The following C12orf42 variants were observed in gnomAD, a reference collection of about 807,000 sequenced individuals.
The protein encoded by C12orf42 is uncharacterized protein C12orf42.
A neutral mutation model predicts 21.6 loss-of-function variants in C12orf42; 25 were observed. The ratio of observed to expected loss-of-function variants is 1.16; its 90% confidence interval spans 0.84 to 1.62. The LOEUF is 1.62. Among genes scored for constraint, C12orf42 ranks in the 40% most tolerant of loss-of-function variants. The pLI is 0.00. For synonymous variants in C12orf42, 174 were observed against 175.0 expected (o/e 0.99, Z 0.05); for missense variants, 483 against 459.3 (o/e 1.05, Z -0.47).
At chr12:103,147,741 G>T in the C12orf42 span, among the ~76,000 whole-genome samples, 2 of 150,540 alleles carry the variant, frequency 1.3e-5, no homozygotes, top group East Asian at 3.9e-4. Flanking sequence ...ATATGTCACC[G>T]TGTACAGGTC....
intron 10 of C12orf42, among the ~76,000 whole-genome samples, chr12:103,250,865 CTTT>C (rs1225187249): frequency 6.7e-6 from 1 of 149,504 alleles, no homozygotes; most frequent in African/African-American, 2.5e-5. Context: ...CCTTGAGATT[CTTT>C]TATCACTGTG....
intron 5 of C12orf42, among the ~76,000 whole-genome samples, chr12:103,303,998 T>C (rs553796526): frequency 6.6e-6 from 1 of 152,326 alleles, no homozygotes; most frequent in South Asian, 2.1e-4. Context: ...CTAGACAGGA[T>C]ATGCTTTCCT....
At chr12:103,214,834 T>C in the C12orf42 span, among the ~76,000 whole-genome samples, 1 of 152,164 alleles carries the variant, frequency 6.6e-6, no homozygotes, top group Non-Finnish European at 1.5e-5. Flanking sequence ...GGAGTTTTTG[T>C]TGATGCCGTG....
intron 4 of C12orf42, among the ~76,000 whole-genome samples, chr12:103,334,789 G>A (rs1322990701): frequency 3.9e-5 from 6 of 152,162 alleles, no homozygotes; most frequent in East Asian, 1.9e-4. Context: ...TTGTTGCTGC[G>A]CCAACCACCA....
At chr12:103,069,493 A>G in the C12orf42 span, among the ~76,000 whole-genome samples, 6 of 152,194 alleles carry the variant, frequency 3.9e-5, no homozygotes, top group African/African-American at 1.4e-4. Context: ...ATCATCTAAT[A>G]CAAACTCTAG....
At chr12:103,138,106 G>C in the C12orf42 span, among the ~76,000 whole-genome samples, 5 of 152,182 alleles carry the variant, frequency 3.3e-5, no homozygotes, top group Non-Finnish European at 7.3e-5. Context: ...TATGCAGTCA[G>C]TACATTTAAC....
the C12orf42 span, among the ~76,000 whole-genome samples, chr12:103,219,142 G>A: frequency 6.6e-6 from 1 of 152,226 alleles, no homozygotes; most frequent in African/African-American, 2.4e-5. Flanking sequence ...TCCCATGGAG[G>A]TCTTGACTCT....
At chr12:103,173,784 G>T in the C12orf42 span, among the ~76,000 whole-genome samples, 2 of 151,794 alleles carry the variant, frequency 1.3e-5, no homozygotes, top group South Asian at 2.1e-4. Context: ...CTCTACTTTT[G>T]TCTCCCACTC....
chr12:103,093,687 C>T, the C12orf42 span, among the ~76,000 whole-genome samples: 1 of 152,154 alleles, frequency 6.6e-6, no homozygotes, highest in Non-Finnish European at 1.5e-5. Context: ...TTAACCAAGC[C>T]CATGAACCGC....
rs1555245954 is a variant in C12orf42, at chr12:103,294,463, A to AAAGAAAGAAAG, written n.338-17254_338-17253insCTTTCTTTCTT. On this transcript the variant is annotated intron_variant and non_coding_transcript_variant, in intron 4 of 6. Coordinates refer to the C12orf42 transcript ENST00000546526. ...GAAAGAAAGAAAGAAAGAAAGAAAGAAAGAAAGAAATAAGCAAGCAAGCAA... is the reference window on the plus strand; with the variant it reads ...GAAAGAAAGAAAGAAAGAAAGAAAGAAAGAAAGAAAGAAGAAAGAAATAAGCAAGCAAGCAA... 6.2e-3 allele frequency among the ~76,000 whole-genome samples: 837 copies of AAAGAAAGAAAG among 134,212 alleles called. 17 individuals are homozygous for AAAGAAAGAAAG. The highest frequency in any genetic ancestry group is 0.024 in the African/African-American group (787 of 32,158). 88.0% of individuals were successfully genotyped at this position (134,212 alleles called of 152,430 possible). A position where few individuals can be genotyped will look rare whatever the true frequency, so the allele number is the denominator to read the frequency against.
chr12:103,481,803 T>TG (rs1954492223), intron 1 of C12orf42, among the ~76,000 whole-genome samples: 1 of 151,256 alleles, frequency 6.6e-6, no homozygotes, highest in Admixed American at 6.6e-5. Context: ...GTTTTTTGTT[T>TG]GGGTTTTTTT....
At chr12:103,510,479 T>C in the C12orf42 span, among the ~76,000 whole-genome samples, 1 of 151,906 alleles carries the variant, frequency 6.6e-6, no homozygotes, top group Non-Finnish European at 1.5e-5. Context: ...TGTAACCAAA[T>C]ACAACCTGTT....
the C12orf42 span, among the ~76,000 whole-genome samples, chr12:103,144,835 G>T: frequency 6.6e-6 from 1 of 152,126 alleles, no homozygotes; most frequent in African/African-American, 2.4e-5. Flanking sequence ...TACTGCTTGG[G>T]ATGACTAGGC....
chr12:103,421,935 G>T (rs920016336), intron 2 of C12orf42, among the ~76,000 whole-genome samples: 4 of 151,982 alleles, frequency 2.6e-5, no homozygotes, highest in Non-Finnish European at 4.4e-5. Context: ...ATAATAATAA[G>T]AATAAGATGG....
intron 5 of C12orf42, among the ~76,000 whole-genome samples, chr12:103,272,140 T>C (rs2035510006): frequency 6.6e-6 from 1 of 152,140 alleles, no homozygotes; most frequent in Non-Finnish European, 1.5e-5. Context: ...GTGACTAAAT[T>C]ACTTGAAGCA....
downstream of C12orf42, among the ~76,000 whole-genome samples, chr12:103,298,146 G>C (rs1360327503): frequency 6.6e-6 from 1 of 151,826 alleles, no homozygotes; most frequent in African/African-American, 2.4e-5. Context: ...ATTCAATTAG[G>C]AAAAGAGGAA....
At chr12:103,530,556 T>C in the C12orf42 span, among the ~76,000 whole-genome samples, 3 of 152,118 alleles carry the variant, frequency 2.0e-5, no homozygotes, top group Non-Finnish European at 4.4e-5. Flanking sequence ...GTTCAGACGG[T>C]TGGCACAGGG....
chr12:103,376,576 A>T (rs1179764062), intron 3 of C12orf42, among the ~76,000 whole-genome samples: 1 of 152,110 alleles, frequency 6.6e-6, no homozygotes, highest in Non-Finnish European at 1.5e-5. Flanking sequence ...AATAATAATT[A>T]AAAAAAGAAA....
chr12:103,362,356 A>T (rs542258007), intron 4 of C12orf42, among the ~76,000 whole-genome samples: 19 of 152,284 alleles, frequency 1.2e-4, no homozygotes, highest in African/African-American at 4.3e-4. Context: ...TAATCTGAAC[A>T]GCAGCCTTGA....
Sources: gnomAD v4.1 joint callset for allele counts (sites outside exome capture counted in the v4.1 genomes callset) on GRCh38, gnomAD v4.1.1 for gene constraint, MANE v1.5 for transcripts, NCBI Gene and HGNC (gene_info 2026-07-23, HGNC 2026-07-21) for gene names.